Variants in INSR observed in about 807,000 individuals in gnomAD.
The protein encoded by INSR is insulin receptor, also known as IR.
In INSR, 67 loss-of-function variants were observed where a neutral mutation model predicts 142.6. That is an observed-to-expected ratio of 0.47 (90% CI 0.39 to 0.58). The LOEUF (loss-of-function observed/expected upper bound fraction) is 0.58, where lower values mean the gene tolerates loss of function less well. Among genes scored for constraint, INSR ranks in the 20% least tolerant of loss-of-function variants. The pLI, the probability that INSR is intolerant of heterozygous loss-of-function variation, is 0.00. For synonymous variants in INSR, 756 were observed against 743.1 expected (o/e 1.02, Z -0.28); for missense variants, 1,248 against 1,833.2 (o/e 0.68, Z 5.83).
intron 1 of INSR, among the ~76,000 whole-genome samples, chr19:7,287,159 CTTTTTT>C (rs34457204): frequency 1.5e-5 from 2 of 129,160 alleles, no homozygotes; most frequent in Admixed American, 8.2e-5. Flanking sequence ...CAAAAATATT[CTTTTTT>C]TTTTTTTTTT....
At chr19:7,118,914 CAAAAAA>C (rs59739401) in intron 21 of INSR, among the ~76,000 whole-genome samples, 16 of 68,890 alleles carry the variant, frequency 2.3e-4, no homozygotes, top group African/African-American at 8.7e-4. Context: ...GATTCCGTCT[CAAAAAA>C]AAAAAAAAAA....
intron 2 of INSR, among the ~76,000 whole-genome samples, chr19:7,190,608 G>T (rs545607384): frequency 4.6e-5 from 7 of 152,144 alleles, no homozygotes; most frequent in African/African-American, 1.7e-4. Context: ...CTGACCTCGG[G>T]ATCCACCCAT....
chr19:7,166,479 G>T lies in INSR; in HGVS notation c.1611-75C>A, dbSNP rs917183789. The stretch of plus-strand genomic sequence containing the variant: ...CTGAGTGCCGTGCAGATGAGGCCTG[G>T]GAAGTTACATCCCATAGGGTCACAT... On this transcript the variant is annotated intron_variant, in intron 7 of 21. Coordinates refer to ENST00000302850, the MANE Select transcript of INSR (RefSeq NM_000208.4). This position sits in a 1 kb window ranked among gnomAD's most constrained non-coding sequence, Gnocchi z 4.1. 9.2e-6 allele frequency: 14 copies of T among 1,529,742 alleles called. No individual in the cohort carries two copies. In the Admixed American group the frequency reaches 2.5e-4, roughly 27 times the overall value. The allele number at this position is 1,529,742 out of a possible 1,614,324, so 94.8% of individuals were successfully genotyped here.
Position 7,174,614 on chromosome 19 carries a change from G to A in INSR, c.1092C>T (p.Asn364=), listed in dbSNP as rs779479343. The part of the protein sequence containing the change: ...AQELRGCTVI[N]GSLIINIRGG... ...CTCGAATGTTGATGATCAGACTCCC[G>A]TTGATGACGGTGCATCCTCGGAGCT... Residue 364 remains asparagine, a synonymous_variant, in exon 4 of 22, where the codon AAC becomes AAT. Transcript: ENST00000302850. The A allele has an allele frequency of 4.3e-5, 70 of 1,613,918 alleles. No homozygotes were observed. Among genetic ancestry groups the A allele is most frequent in the Admixed American group, 2.3e-4 (14 of 59,966 alleles).
rs1382054480 is a variant in INSR, at chr19:7,216,470, T to A, written c.653-31833A>T. The stretch of plus-strand genomic sequence containing the variant: ...CTGTGTACCAGGAGTTGGGGAGAGG[T>A]GCATAGTAGCAGGACAGACATCCAG... On this transcript the variant is annotated intron_variant, in intron 2 of 21. Transcript: ENST00000302850. This position sits in a 1 kb window ranked among gnomAD's most constrained non-coding sequence, Gnocchi z 4.2. Among the ~76,000 whole-genome samples, 1 of 151,466 alleles carries A rather than the reference T, an allele frequency of 6.6e-6. No homozygotes were observed. The highest frequency in any genetic ancestry group is 1.5e-5 in the Non-Finnish European group (1 of 67,882).
At position 7,181,182 on chromosome 19, in the gene INSR, G is replaced by A. The variant is rs865964237; in HGVS notation, c.974+3134C>T. Among the ~76,000 whole-genome samples, 42 of 152,268 alleles carry A rather than the reference G, an allele frequency of 2.8e-4. No individual in the cohort carries two copies. The Middle Eastern group carries it at 0.01, about 37-fold the overall frequency. On this transcript the variant is annotated intron_variant, in intron 3 of 21. Coordinates refer to ENST00000302850, the MANE Select transcript of INSR (RefSeq NM_000208.4). ...GCTGGTCTCGAACTCCTGACCTCAGGTGATCCACCCACCTCGGCCTCCCAA... is the reference window on the plus strand; with the variant it reads ...GCTGGTCTCGAACTCCTGACCTCAGATGATCCACCCACCTCGGCCTCCCAA...
chr19:7,218,484 G>GT (rs1297122011), intron 2 of INSR, among the ~76,000 whole-genome samples: 1 of 152,036 alleles, frequency 6.6e-6, no homozygotes, highest in African/African-American at 2.4e-5. Flanking sequence ...CTTGCCTCTT[G>GT]TTTTTTGTTT....
chr19:7,197,603 A>G (rs1318604260), intron 2 of INSR, among the ~76,000 whole-genome samples: 409 of 99,762 alleles, frequency 4.1e-3, no homozygotes, highest in Admixed American at 4.9e-3. Context: ...TGTGTGTCAG[A>G]TTCCAGAGTG....
At chr19:7,275,626 T>C (rs1041780415) in intron 1 of INSR, among the ~76,000 whole-genome samples, 2 of 151,688 alleles carry the variant, frequency 1.3e-5, no homozygotes, top group African/African-American at 4.8e-5. Context: ...CTACTAAAAA[T>C]ACAAAACTTA....
At chr19:7,187,721 C>T (rs1055960353) in intron 2 of INSR, among the ~76,000 whole-genome samples, 1 of 151,638 alleles carries the variant, frequency 6.6e-6, no homozygotes, top group African/African-American at 2.4e-5. Flanking sequence ...AATGGACATG[C>T]GCCACCACGC....
chr19:7,209,215 A>T (rs1049070994), intron 2 of INSR, among the ~76,000 whole-genome samples: 1 of 152,178 alleles, frequency 6.6e-6, no homozygotes, highest in Non-Finnish European at 1.5e-5. Context: ...GGTCCCAGCT[A>T]CTCAGGAAGC....
intron 2 of INSR, among the ~76,000 whole-genome samples, chr19:7,191,025 G>T (rs1386792012): frequency 6.6e-6 from 1 of 152,058 alleles, no homozygotes; most frequent in African/African-American, 2.4e-5. Flanking sequence ...GGCTGGGAAC[G>T]GTGGCTCACG....
At chr19:7,148,407 T>C (rs921235288) in intron 11 of INSR, among the ~76,000 whole-genome samples, 4 of 152,012 alleles carry the variant, frequency 2.6e-5, no homozygotes, top group East Asian at 1.9e-4. Context: ...CTCAGTGTTG[T>C]TGGACAGTGC....
intron 9 of INSR, among the ~76,000 whole-genome samples, chr19:7,155,407 A>T (rs1217859233): frequency 6.6e-6 from 1 of 151,838 alleles, no homozygotes; most frequent in African/African-American, 2.4e-5. Flanking sequence ...ACGTGGTGGC[A>T]CATGCCTGTA....
intron 1 of INSR, among the ~76,000 whole-genome samples, chr19:7,272,971 C>T (rs746344735): frequency 6.6e-6 from 1 of 152,106 alleles, no homozygotes; most frequent in Non-Finnish European, 1.5e-5. Context: ...AAAATAGATT[C>T]GTGGCTGCCA....
intron 9 of INSR, 118 bp downstream of exon 9, chr19:7,162,914 G>A (rs1011360533): frequency 2.9e-5 from 24 of 840,404 alleles, no homozygotes; most frequent in African/African-American, 2.2e-4. Context: ...GTGTGTGTGT[G>A]TGTGCCTTCC....
At chr19:7,195,188 A>G (rs1974711500) in intron 2 of INSR, among the ~76,000 whole-genome samples, 1 of 152,242 alleles carries the variant, frequency 6.6e-6, no homozygotes, top group Admixed American at 6.5e-5. Context: ...AGTTAAAAAT[A>G]CTTCAAGTAA....
chr19:7,253,517 C>G (rs1412974058), intron 2 of INSR, among the ~76,000 whole-genome samples: 1 of 152,040 alleles, frequency 6.6e-6, no homozygotes, highest in African/African-American at 2.4e-5. Flanking sequence ...GGATTACAGG[C>G]GTGTGCCTGG....
chr19:7,242,908 T>C (rs1452641317), intron 2 of INSR, among the ~76,000 whole-genome samples: 1 of 152,040 alleles, frequency 6.6e-6, no homozygotes, highest in African/African-American at 2.4e-5. Flanking sequence ...AGCAGTACCC[T>C]GTTTTCAGTG....
Sources: allele counts gnomAD v4.1 joint callset (sites outside exome capture counted in the v4.1 genomes callset), GRCh38; gene constraint gnomAD v4.1.1; non-coding constraint Gnocchi (gnomAD v3.1); transcripts MANE v1.5; gene names NCBI Gene and HGNC (gene_info 2026-07-23, HGNC 2026-07-21).